Variants in LARGE1 observed in about 807,000 individuals in gnomAD.
The protein encoded by LARGE1 is LARGE xylosyl- and glucuronyltransferase 1.
In LARGE1, 43 loss-of-function variants were observed where a neutral mutation model predicts 87.6. The observed-to-expected ratio is 0.49, with a 90% confidence interval of 0.38 to 0.63. The LOEUF (loss-of-function observed/expected upper bound fraction) is 0.63. LARGE1 is among the 30% of genes least tolerant of loss of function. The pLI is 0.00. For synonymous variants in LARGE1, 434 were observed against 394.6 expected, an observed-to-expected ratio of 1.10 and a Z score of -1.18; for missense variants, 802 against 1,000.2, an observed-to-expected ratio of 0.80 and a Z score of 2.67.
intron 6 of LARGE1, among the ~76,000 whole-genome samples, chr22:33,505,387 A>G (rs1602156663): frequency 6.6e-6 from 1 of 152,160 alleles, no homozygotes; most frequent in Non-Finnish European, 1.5e-5. Context: ...AGATGAGAGG[A>G]TCCAAATGGG....
intron 9 of LARGE1, among the ~76,000 whole-genome samples, chr22:33,374,191 T>A (rs976657138): frequency 2.6e-5 from 4 of 152,174 alleles, no homozygotes; most frequent in Non-Finnish European, 2.9e-5. Context: ...TATACATTCC[T>A]AACCTTGGAC....
intron 7 of LARGE1, among the ~76,000 whole-genome samples, chr22:33,425,411 T>TA (rs1294084479): frequency 1.3e-5 from 2 of 152,216 alleles, no homozygotes; most frequent in Non-Finnish European, 2.9e-5. Context: ...ACCTTGATCT[T>TA]AGACTTCCCA....
intron 11 of LARGE1, among the ~76,000 whole-genome samples, chr22:33,243,484 C>A (rs907434540): frequency 6.6e-6 from 1 of 152,178 alleles, no homozygotes; most frequent in Admixed American, 6.5e-5. Flanking sequence ...TCAAATATTC[C>A]TTGGAATTAT....
At chr22:33,237,061 A>G (rs1206475579) in intron 11 of LARGE1, among the ~76,000 whole-genome samples, 2 of 152,242 alleles carry the variant, frequency 1.3e-5, no homozygotes, top group Non-Finnish European at 2.9e-5. Context: ...GTTTTAGTCC[A>G]ACTCTTACCA....
Position 33,311,942 on chromosome 22 carries a change from T to C in LARGE1, c.1451+4143A>G, listed in dbSNP as rs145705944. 3.7e-3 allele frequency among the ~76,000 whole-genome samples: 566 copies of C among 152,290 alleles called. 4 individuals carry two copies. Among genetic ancestry groups the C allele is most frequent in the African/African-American group, 0.013 (534 of 41,566 alleles). On this transcript the variant is annotated intron_variant, in intron 11 of 14. Transcript: ENST00000397394. ...CCCAGAACACCAGCTGAGGATTGAA[T>C]GAGTTGGTGGGATTTGAACCCGGAG...
intron 1 of LARGE1, among the ~76,000 whole-genome samples, chr22:33,770,129 G>A (rs1178309330): frequency 6.6e-6 from 1 of 152,198 alleles, no homozygotes; most frequent in Admixed American, 6.5e-5. Context: ...AAGGTAGAAT[G>A]TCATAGATAT....
chr22:33,695,654 T>C (rs1404222020), intron 2 of LARGE1, among the ~76,000 whole-genome samples: 1 of 152,200 alleles, frequency 6.6e-6, no homozygotes, highest in Non-Finnish European at 1.5e-5. Context: ...AACAGTAAGA[T>C]AGTCAGCAGC....
rs539284415 is a variant in LARGE1, at chr22:33,848,349, C to T, written c.-83+71646G>A. Among the ~76,000 whole-genome samples, 16 of 152,186 alleles carry T rather than the reference C, an allele frequency of 1.1e-4. 1 individual carries two copies. Among genetic ancestry groups the T allele is most frequent in the African/African-American group, 2.2e-4 (9 of 41,516 alleles). ...GAATGAAAACGAGGTGGTGGATAAGCGGTTTTTAAACCAGGCTCATGGGCC... is the reference window on the plus strand; with the variant it reads ...GAATGAAAACGAGGTGGTGGATAAGTGGTTTTTAAACCAGGCTCATGGGCC... On this transcript the variant is annotated intron_variant, in intron 1 of 14. Coordinates refer to ENST00000397394, the MANE Select transcript of LARGE1 (RefSeq NM_133642.5).
At chr22:33,455,469 C>G (rs774260465) in intron 6 of LARGE1, among the ~76,000 whole-genome samples, 258 of 152,148 alleles carry the variant, frequency 1.7e-3, no homozygotes, top group Non-Finnish European at 2.6e-3. Context: ...CCATGGTGAG[C>G]TGCTAAAAAA....
chr22:33,100,970 C>T, the LARGE1 span, among the ~76,000 whole-genome samples: 2 of 151,976 alleles, frequency 1.3e-5, no homozygotes, highest in Non-Finnish European at 2.9e-5. Flanking sequence ...CTCAGCCTCC[C>T]GAGTAGCTGG....
chr22:33,770,484 C>G (rs778224545), intron 1 of LARGE1, among the ~76,000 whole-genome samples: 1 of 152,042 alleles, frequency 6.6e-6, no homozygotes, highest in African/African-American at 2.4e-5. Flanking sequence ...GAGTTCAAGA[C>G]CAGCCTGGGC....
At chr22:33,419,270 T>C (rs1179731923) in intron 7 of LARGE1, among the ~76,000 whole-genome samples, 1 of 151,894 alleles carries the variant, frequency 6.6e-6, no homozygotes, top group Non-Finnish European at 1.5e-5. Context: ...TCCCATCAGG[T>C]TCCTCCTTTG....
chr22:33,183,359 A>G (rs1923274093), intron 11 of LARGE1, among the ~76,000 whole-genome samples: 1 of 152,122 alleles, frequency 6.6e-6, no homozygotes, highest in African/African-American at 2.4e-5. Flanking sequence ...AGAAAAGGAA[A>G]CCCTATACAC....
At chr22:33,813,414 A>C (rs1278475140) in intron 1 of LARGE1, among the ~76,000 whole-genome samples, 1 of 152,098 alleles carries the variant, frequency 6.6e-6, no homozygotes, top group Non-Finnish European at 1.5e-5. Flanking sequence ...GAAACAAAAC[A>C]TAGTTCCAGC....
chr22:33,523,589 T>G (rs2071724757), intron 6 of LARGE1, among the ~76,000 whole-genome samples: 1 of 152,228 alleles, frequency 6.6e-6, no homozygotes, highest in Non-Finnish European at 1.5e-5. Context: ...GTGGTTGCCC[T>G]GTTTTAAATG....
chr22:33,489,104 G>A (rs548253628), intron 6 of LARGE1, among the ~76,000 whole-genome samples: 1 of 152,172 alleles, frequency 6.6e-6, no homozygotes, highest in Non-Finnish European at 1.5e-5. Context: ...TAGGTGCTGA[G>A]GCTACAGAGG....
intron 1 of LARGE1, among the ~76,000 whole-genome samples, chr22:33,813,520 A>G (rs2086562852): frequency 6.6e-6 from 1 of 152,094 alleles, no homozygotes; most frequent in South Asian, 2.1e-4. Context: ...AACAGAATTG[A>G]GAATGGTGAC....
intron 7 of LARGE1, among the ~76,000 whole-genome samples, chr22:33,415,919 C>T (rs958747201): frequency 2.0e-5 from 3 of 152,154 alleles, no homozygotes; most frequent in Non-Finnish European, 4.4e-5. Context: ...GCCTGGTTAC[C>T]GTTCAGACCT....
At chr22:33,216,206 A>G (rs1925195282) in intron 11 of LARGE1, among the ~76,000 whole-genome samples, 1 of 152,190 alleles carries the variant, frequency 6.6e-6, no homozygotes, top group African/African-American at 2.4e-5. Flanking sequence ...TCTGTTTGCC[A>G]GTTCCTGCAC....
Sources: allele counts gnomAD v4.1 joint callset (sites outside exome capture counted in the v4.1 genomes callset), GRCh38; gene constraint gnomAD v4.1.1; transcripts MANE v1.5; gene names NCBI Gene and HGNC (gene_info 2026-07-23, HGNC 2026-07-21).